The following DMXL1 variants were observed in gnomAD, a reference collection of about 807,000 sequenced individuals.
The protein encoded by DMXL1 is Dmx like 1.
Under a neutral mutation model 319.2 loss-of-function variants are expected in DMXL1, and 99 were observed. The ratio of observed to expected loss-of-function variants is 0.31; its 90% CI spans 0.26 to 0.37. The LOEUF is 0.37. DMXL1 is among the 10% of genes least tolerant of loss of function. The pLI is 1.00. For synonymous variants in DMXL1, 1,385 were observed against 1,235.2 expected (o/e 1.12, Z -2.54); for missense variants, 3,745 against 3,595.6 (o/e 1.04, Z -1.06).
intron 34 of DMXL1, among the ~76,000 whole-genome samples, chr5:119,214,971 A>G (rs1163500853): frequency 6.6e-6 from 1 of 152,184 alleles, no homozygotes; most frequent in African/African-American, 2.4e-5. Flanking sequence ...AAACCTAAGA[A>G]TGAACATTTA....
chr5:119,086,226 G>A (rs187299142), intron 1 of DMXL1, among the ~76,000 whole-genome samples: 7 of 152,110 alleles, frequency 4.6e-5, no homozygotes, highest in Non-Finnish European at 8.8e-5. Flanking sequence ...ATTCACTACC[G>A]TGAAAACAGT....
At chr5:119,182,521 A>G (rs1317429232) in intron 28 of DMXL1, among the ~76,000 whole-genome samples, 2 of 152,192 alleles carry the variant, frequency 1.3e-5, no homozygotes, top group African/African-American at 4.8e-5. Context: ...ATTTGGATTT[A>G]AATTTTCTTT....
In DMXL1 at chr5:119,133,580, C is replaced by G. The variant is rs1169747803; in HGVS notation, c.1656C>G (p.Thr552=). The G allele has an allele frequency of 6.2e-7, 1 of 1,614,114 alleles. No homozygotes were observed. Among genetic ancestry groups the G allele is most frequent in the Non-Finnish European group, 8.5e-7 (1 of 1,180,024 alleles). ...AAAGCATAATGATGTATGCCTGTAC[C>G]AAGAATGTTGACTTGGCTATTCAGC... The part of the protein sequence containing the change: ...LCKSIMMYAC[T]KNVDLAIQQG... The change falls in exon 12 of 44, where the codon ACC becomes ACG. Residue 552 remains threonine, a synonymous_variant. Transcript: ENST00000539542.
At chr5:119,122,125 C>A (rs1762242390) in intron 9 of DMXL1, among the ~76,000 whole-genome samples, 1 of 138,810 alleles carries the variant, frequency 7.2e-6, no homozygotes, top group Non-Finnish European at 1.6e-5. Context: ...GGGCGGCTGG[C>A]CGGGCGGGGG....
intron 19 of DMXL1, among the ~76,000 whole-genome samples, chr5:119,152,423 A>G (rs995613472): frequency 9.2e-5 from 14 of 152,274 alleles, no homozygotes; most frequent in Non-Finnish European, 1.5e-4. Flanking sequence ...GTTATAATAC[A>G]TTCTCAAATT....
At chr5:119,089,100 ATC>A (rs1561549128) in intron 1 of DMXL1, among the ~76,000 whole-genome samples, 1 of 150,946 alleles carries the variant, frequency 6.6e-6, no homozygotes, top group East Asian at 1.9e-4. Flanking sequence ...GAAATACTTT[ATC>A]TCTCCTTCAT....
At chr5:119,156,062 A>C (rs1770981644) in intron 19 of DMXL1, among the ~76,000 whole-genome samples, 1 of 152,244 alleles carries the variant, frequency 6.6e-6, no homozygotes, top group South Asian at 2.1e-4. Flanking sequence ...AAATAGAATT[A>C]CATGGTATAG....
chr5:119,109,289 C>G (rs1052953726), intron 4 of DMXL1, among the ~76,000 whole-genome samples: 5 of 152,150 alleles, frequency 3.3e-5, no homozygotes, highest in Non-Finnish European at 7.3e-5. Context: ...TGGAAAAATG[C>G]ACATATTGTA....
chr5:119,075,784 C>G (rs1258938408), intron 1 of DMXL1, among the ~76,000 whole-genome samples: 1 of 151,582 alleles, frequency 6.6e-6, no homozygotes, highest in Non-Finnish European at 1.5e-5. Context: ...AGGCTGATGT[C>G]TAACTCCTGG....
At chr5:119,108,444 G>T (rs1758833675) in intron 4 of DMXL1, among the ~76,000 whole-genome samples, 1 of 151,768 alleles carries the variant, frequency 6.6e-6, no homozygotes, top group South Asian at 2.1e-4. Context: ...TTTTTCTTGA[G>T]ACAGGGTCTT....
At chr5:119,131,000 T>G (rs1325498505) in intron 10 of DMXL1, among the ~76,000 whole-genome samples, 5 of 151,792 alleles carry the variant, frequency 3.3e-5, no homozygotes, top group Non-Finnish European at 7.4e-5. Flanking sequence ...TTTCATTATA[T>G]TACTTTTTTT....
At chr5:119,235,078 A>C (rs552168736) in intron 39 of DMXL1, among the ~76,000 whole-genome samples, 2 of 152,248 alleles carry the variant, frequency 1.3e-5, no homozygotes, top group African/African-American at 2.4e-5. Context: ...TAAGCATGCT[A>C]TCTCTTCTAG....
At chr5:119,190,443 C>A (rs567444521) in intron 29 of DMXL1, among the ~76,000 whole-genome samples, 1 of 152,306 alleles carries the variant, frequency 6.6e-6, no homozygotes, top group South Asian at 2.1e-4. Context: ...CATGTCAGTT[C>A]TTTTAAAGTC....
At chr5:119,175,527 G>A (rs143700022) in intron 26 of DMXL1, among the ~76,000 whole-genome samples, 190 bp downstream of exon 26, 7 of 152,114 alleles carry the variant, frequency 4.6e-5, no homozygotes, top group African/African-American at 1.4e-4. Context: ...CCCTTATTCT[G>A]TATAACTTAT....
At chr5:119,127,479 G>C (rs1763862419) in intron 9 of DMXL1, 1 of 152,502 alleles carries the variant, frequency 6.6e-6, no homozygotes, top group Non-Finnish European at 1.5e-5. Context: ...ATTTTACTTA[G>C]TCTGGTAATC....
chr5:119,176,910 A>G (rs1380081277), intron 26 of DMXL1, among the ~76,000 whole-genome samples: 2 of 152,120 alleles, frequency 1.3e-5, no homozygotes, highest in East Asian at 3.8e-4. Context: ...GAGTAGTATG[A>G]TAACATTATT....
At chr5:119,176,549 C>G (rs916536449) in intron 26 of DMXL1, among the ~76,000 whole-genome samples, 3 of 151,816 alleles carry the variant, frequency 2.0e-5, no homozygotes, top group East Asian at 1.9e-4. Context: ...TGTTGTTACT[C>G]TGCCATCTTG....
At chr5:119,168,719 T>C (rs1338554945) in intron 23 of DMXL1, among the ~76,000 whole-genome samples, 1 of 151,450 alleles carries the variant, frequency 6.6e-6, no homozygotes, top group Non-Finnish European at 1.5e-5. Context: ...AGTGTTTTTA[T>C]TTAAAAAAAA....
intron 23 of DMXL1, among the ~76,000 whole-genome samples, chr5:119,169,667 A>G (rs1427988799): frequency 6.6e-6 from 1 of 152,172 alleles, no homozygotes; most frequent in Non-Finnish European, 1.5e-5. Flanking sequence ...GCCTTTGGAT[A>G]TAGGAGTTTA....
Sources: gnomAD v4.1 joint callset for allele counts (sites outside exome capture counted in the v4.1 genomes callset) on GRCh38, gnomAD v4.1.1 for gene constraint, MANE v1.5 for transcripts, NCBI Gene and HGNC (gene_info 2026-07-23, HGNC 2026-07-21) for gene names.